NOD2: variants seen among roughly 807,000 people sequenced by gnomAD.
NOD2 encodes the protein nucleotide binding oligomerization domain containing 2.
NOD2 carries 86 observed loss-of-function variants against 90.9 expected under a neutral mutation model. That is an observed-to-expected ratio of 0.95 (90% confidence interval 0.79 to 1.13). The LOEUF is 1.13. Among genes scored for constraint, NOD2 ranks in the 50% most tolerant of loss-of-function variants. The pLI, the probability that NOD2 is intolerant of heterozygous loss-of-function variation, is 0.00. For missense variants in NOD2, 1,238 were observed against 1,283.8 expected (o/e 0.96, Z 0.55); for synonymous variants, 581 against 554.6 (o/e 1.05, Z -0.67).
chr16:50,726,787 A>G (rs1965281506), intron 10 of NOD2, among the ~76,000 whole-genome samples: 1 of 152,188 alleles, frequency 6.6e-6, no homozygotes. Context: ...TATCTTTTAT[A>G]AAAAAGAGAA....
Position 50,725,501 on chromosome 16 carries a change from C to T in NOD2, c.2814C>T (p.Asn938=), listed in dbSNP as rs757991023. The change falls in exon 10 of 12, where the codon AAC becomes AAT. Residue 938 remains asparagine, a synonymous_variant. Transcript: ENST00000647318. The part of the protein sequence containing the change: ...VMLEELCLEE[N]HLQDEGVCSL... The stretch of plus-strand genomic sequence containing the variant: ...TTCTTCTCACCAGCCTGGAGGAGAA[C>T]CATCTCCAGGATGAAGGTGTATGTT... 1 of 1,613,428 alleles carries T rather than the reference C, an allele frequency of 6.2e-7. No homozygotes were observed. The highest frequency in any genetic ancestry group is 8.5e-7 in the Non-Finnish European group (1 of 1,179,376).
chr16:50,700,115 A>G (rs1963871463), intron 2 of NOD2, among the ~76,000 whole-genome samples, 161 bp downstream of exon 2: 1 of 152,182 alleles, frequency 6.6e-6, no homozygotes, highest in Admixed American at 6.5e-5. Context: ...GACTCTTGGC[A>G]GGAAACGTAC....
chr16:50,732,410 A>AC lies in NOD2; in HGVS notation c.*596dup, dbSNP rs2150847486. 1 of 159,588 alleles carries AC rather than the reference A, an allele frequency of 6.3e-6. No homozygotes were observed. The highest frequency in any genetic ancestry group is 2.4e-5 in the African/African-American group (1 of 41,544). 9.9% of individuals were successfully genotyped at this position (159,588 alleles called of 1,614,324 possible). On this transcript the variant is annotated 3_prime_UTR_variant, in exon 12 of 12. Coordinates refer to ENST00000647318, the MANE Select transcript of NOD2 (RefSeq NM_001370466.1). ...TCAGCTTTGATATTTCACTTACAGC[A>AC]CCCCCAACCCTGGCACCCAGGGTGG...
At position 50,719,363 on chromosome 16, in the gene NOD2, G is replaced by C. The variant is rs1027429397; in HGVS notation, c.2550-562G>C. Among the ~76,000 whole-genome samples, 10 of 152,166 alleles carry C rather than the reference G, an allele frequency of 6.6e-5. No homozygotes were observed. The South Asian group carries it at 2.1e-3, about 32-fold the overall frequency. On this transcript the variant is annotated intron_variant, in intron 6 of 11. Transcript: ENST00000647318. ...CTCTGGGGCTTCTCCGAAGCTCTCC[G>C]AGGTGTCTGGATTCAGTTGCAGCAG...
chr16:50,699,225 G>A (rs1030415021), intron 1 of NOD2, among the ~76,000 whole-genome samples: 1 of 152,128 alleles, frequency 6.6e-6, no homozygotes, highest in East Asian at 1.9e-4. Flanking sequence ...GTTTTAAGCC[G>A]GAGACCAAGC....
chr16:50,702,807 G>A (rs1831132391), intron 2 of NOD2, among the ~76,000 whole-genome samples: 2 of 152,162 alleles, frequency 1.3e-5, no homozygotes, highest in African/African-American at 2.4e-5. Flanking sequence ...TCTGGGAAGC[G>A]GCCCAGCTAG....
intron 6 of NOD2, among the ~76,000 whole-genome samples, chr16:50,718,326 A>ATTT (rs1964889640): frequency 2.0e-5 from 3 of 152,260 alleles, no homozygotes; most frequent in African/African-American, 7.2e-5. Context: ...TGTCAGGAGC[A>ATTT]GACGATCTTG....
At chr16:50,715,652 G>C (rs904334785) in intron 4 of NOD2, 1 of 152,162 alleles carries the variant, frequency 6.6e-6, no homozygotes, top group Non-Finnish European at 1.5e-5. Flanking sequence ...TCCTGACCTC[G>C]TGATCCGCCC....
chr16:50,728,747 G>A (rs1965351932), intron 10 of NOD2, among the ~76,000 whole-genome samples: 1 of 152,148 alleles, frequency 6.6e-6, no homozygotes, highest in South Asian at 2.1e-4. Flanking sequence ...AGGCAAAGCT[G>A]TAACCAAAAG....
Position 50,705,302 on chromosome 16 carries a change from T to C in NOD2, c.460-2553T>C, listed in dbSNP as rs185245868. Among the ~76,000 whole-genome samples, 9 of 152,220 alleles carry C rather than the reference T, an allele frequency of 5.9e-5. No individual in the cohort carries two copies. The East Asian group carries it at 1.7e-3, about 29-fold the overall frequency. ...ATAGGTGGGTTCTTTGTTTGTTTGT[T>C]TGACTGTTTTTCACCCTATGTAAAC... is the stretch of plus-strand genomic sequence containing the variant. On this transcript the variant is annotated intron_variant, in intron 2 of 11. Coordinates refer to ENST00000647318, the MANE Select transcript of NOD2 (RefSeq NM_001370466.1).
Position 50,732,171 on chromosome 16 carries a change from A to G in NOD2, c.*352A>G. On this transcript the variant is annotated 3_prime_UTR_variant, in exon 12 of 12. Transcript: ENST00000647318. ...GGCCCATGGATGTGCTTGTTAACTG[A>G]GTGCCTTTTGGTGGAGAGGCCCGGC... 2.5e-6 allele frequency: 1 copy of G among 393,992 alleles called. No homozygotes were observed. Among genetic ancestry groups the G allele is most frequent in the South Asian group, 2.2e-5 (1 of 44,648 alleles). 24.4% of individuals were successfully genotyped at this position (393,992 alleles called of 1,614,324 possible).
Position 50,699,215 on chromosome 16 carries a change from G to A in NOD2, c.-8-273G>A, listed in dbSNP as rs1366111452. On this transcript the variant is annotated intron_variant, in intron 1 of 11. Coordinates refer to ENST00000647318, the MANE Select transcript of NOD2 (RefSeq NM_001370466.1). ...AATATTACCTCAAGCCTTTTTAAAC[G>A]TTTTAAGCCGGAGACCAAGCATGGA... is the stretch of plus-strand genomic sequence containing the variant. 2.0e-5 allele frequency among the ~76,000 whole-genome samples: 3 copies of A among 152,124 alleles called. No individual in the cohort carries two copies. In the East Asian group the frequency reaches 5.8e-4, roughly 29 times the overall value.
Position 50,725,519 on chromosome 16 carries a change from T to G in NOD2, c.2832T>G (p.Gly944=). 6.2e-7 allele frequency: 1 copy of G among 1,614,078 alleles called. No homozygotes were observed. The highest frequency in any genetic ancestry group is 8.5e-7 in the Non-Finnish European group (1 of 1,179,948). Residue 944 remains glycine (G), a synonymous_variant, in exon 10 of 12, where the codon GGT becomes GGG. Transcript: ENST00000647318. ...CLEENHLQDE[G]VCSLAEGLKK... ...AGGAGAACCATCTCCAGGATGAAGG[T>G]GTATGTTCTCTCGCAGAAGGACTGA...
In NOD2 at chr16:50,697,184, C is replaced by T. The variant is rs565604357; in HGVS notation, c.-8-2304C>T. 6.3e-5 allele frequency: 88 copies of T among 1,399,858 alleles called. No homozygotes were observed. The Admixed American group carries it at 1.4e-3, about 23-fold the overall frequency. 86.7% of individuals were successfully genotyped at this position (1,399,858 alleles called of 1,614,324 possible). ...CAGTCCTGTGCCACTGGGCTTTTGG[C>T]GTTCTGCACAAGGCCTACCCGCAGA... is the stretch of plus-strand genomic sequence containing the variant. On this transcript the variant is annotated intron_variant, in intron 1 of 11. Coordinates refer to ENST00000647318, the MANE Select transcript of NOD2 (RefSeq NM_001370466.1).
At chr16:50,710,090 G>A in intron 3 of NOD2, 1 of 450,292 alleles carries the variant, frequency 2.2e-6, no homozygotes, top group East Asian at 7.0e-5. Context: ...GTCACCTGAG[G>A]CTGAGTGGTG....
At position 50,731,761 on chromosome 16, in the gene NOD2, C is replaced by T. The variant is rs1965463130; in HGVS notation, c.2984C>T (p.Thr995Ile). Residue 995 changes from threonine to isoleucine, a missense_variant, in exon 12 of 12, where the codon ACT becomes ATT. By Grantham distance (89) the Thr-to-Ile change is moderately conservative. This residue lies in a region of NOD2 where 667 missense variants were observed against 688.7 expected (regional missense o/e 0.97). Transcript: ENST00000647318. ...ATCTGCTTTAGGCTCCGAGGGAACA[C>T]TTTCTCTCTAGAGGAGGTTGACAAG... Reference protein sequence around the residue: ...TILEVWLRGNTFSLEEVDKLG... With the variant: ...TILEVWLRGNIFSLEEVDKLG... The T allele has an allele frequency of 6.2e-7, 1 of 1,613,202 alleles. No homozygotes were observed. Among genetic ancestry groups the T allele is most frequent in the Admixed American group, 1.7e-5 (1 of 59,998 alleles).
chr16:50,731,024 A>G (rs1965435546), intron 11 of NOD2, among the ~76,000 whole-genome samples: 1 of 152,128 alleles, frequency 6.6e-6, no homozygotes, highest in African/African-American at 2.4e-5. Flanking sequence ...CTCAAAAAAT[A>G]AAAAATTCAG....
chr16:50,727,659 G>T, intron 10 of NOD2: 2 of 354,388 alleles, frequency 5.6e-6, no homozygotes, highest in Non-Finnish European at 1.1e-5. Flanking sequence ...GGCGGATGAG[G>T]CAAAACTTCA....
intron 10 of NOD2, chr16:50,728,405 A>T: frequency 6.8e-6 from 2 of 292,090 alleles, no homozygotes; most frequent in South Asian, 6.8e-5. Context: ...AATTCAAATA[A>T]GAAAATTGCT....
Sources: gnomAD v4.1 joint callset for allele counts (sites outside exome capture counted in the v4.1 genomes callset) on GRCh38, gnomAD v4.1.1 for gene constraint, gnomAD v4.1.1 regional missense constraint, MANE v1.5 for transcripts, NCBI Gene and HGNC (gene_info 2026-07-23, HGNC 2026-07-21) for gene names.